The following TIAM1 variants were observed in gnomAD, a reference collection of about 807,000 sequenced individuals.
TIAM1 encodes rho guanine nucleotide exchange factor TIAM1.
TIAM1 carries 65 observed loss-of-function variants against 163.5 expected under a neutral mutation model. The ratio of observed to expected loss-of-function variants is 0.40; its 90% CI spans 0.33 to 0.49. The LOEUF (loss-of-function observed/expected upper bound fraction) is 0.49, where lower values mean the gene tolerates loss of function less well. TIAM1 is among the 20% of genes least tolerant of loss of function. TIAM1 has a pLI of 0.77. For missense variants in TIAM1, 1,789 were observed against 2,044.7 expected, an observed-to-expected ratio of 0.87 and a Z score of 2.41; for synonymous variants, 833 against 810.1, an observed-to-expected ratio of 1.03 and a Z score of -0.48.
chr21:31,540,603 G>C (rs1231142374), intron 1 of TIAM1, among the ~76,000 whole-genome samples: 9 of 152,144 alleles, frequency 5.9e-5, no homozygotes. Context: ...TGTCCAGCCT[G>C]CTCACTTCTT....
Position 31,276,888 on chromosome 21 carries a change from CTG to C in TIAM1, c.-170_-169del, listed in dbSNP as rs894977119. ...GTGGCCATCACAGTTTCATCTAAGT[CTG>C]TGAGAATGCGCCAAAAACCTGGAGA... On this transcript the variant is annotated 5_prime_UTR_variant, in exon 3 of 28. The change creates a premature stop within an existing upstream ORF in the 5' untranslated region. Coordinates refer to ENST00000541036, the MANE Select transcript of TIAM1 (RefSeq NM_001353694.2). 2.6e-5 allele frequency: 4 copies of C among 152,146 alleles called. No individual in the cohort carries two copies. Among genetic ancestry groups the C allele is most frequent in the African/African-American group, 9.7e-5 (4 of 41,430 alleles). 9.4% of individuals were successfully genotyped at this position (152,146 alleles called of 1,614,324 possible).
chr21:31,548,794 G>T (rs1213506267), intron 1 of TIAM1, among the ~76,000 whole-genome samples: 1 of 152,006 alleles, frequency 6.6e-6, no homozygotes, highest in Non-Finnish European at 1.5e-5. Flanking sequence ...AGGCCAAGCT[G>T]AACATTATTG....
At chr21:31,241,776 ATGGGAAGAC>A in intron 6 of TIAM1, among the ~76,000 whole-genome samples, 1 of 152,340 alleles carries the variant, frequency 6.6e-6, no homozygotes, top group East Asian at 1.9e-4. Context: ...GGAGACCAAA[ATGGGAAGAC>A]TGCTTGAAGC....
At chr21:31,390,120 ATACT>A (rs1243458283) in intron 2 of TIAM1, among the ~76,000 whole-genome samples, 6 of 152,222 alleles carry the variant, frequency 3.9e-5, no homozygotes, top group African/African-American at 9.6e-5. Flanking sequence ...TGGAGAATTT[ATACT>A]TACTCATTCC....
At chr21:31,485,095 A>G (rs1378142478) in intron 1 of TIAM1, among the ~76,000 whole-genome samples, 1 of 91,372 alleles carries the variant, frequency 1.1e-5, no homozygotes, top group Non-Finnish European at 2.2e-5. Flanking sequence ...TAAATTACCC[A>G]ATCTCTGAAT....
At chr21:31,299,928 A>G (rs1393111654) in intron 2 of TIAM1, among the ~76,000 whole-genome samples, 1 of 152,228 alleles carries the variant, frequency 6.6e-6, no homozygotes, top group Non-Finnish European at 1.5e-5. Flanking sequence ...ATCTTTCCTT[A>G]CGTCTGCATG....
chr21:31,556,402 A>G (rs2048881116), intron 1 of TIAM1, among the ~76,000 whole-genome samples: 1 of 151,908 alleles, frequency 6.6e-6, no homozygotes. Context: ...ACCACTGGAC[A>G]GCCTACAAGT....
intron 2 of TIAM1, among the ~76,000 whole-genome samples, chr21:31,389,038 C>T (rs2076926221): frequency 6.6e-6 from 1 of 152,194 alleles, no homozygotes. Context: ...ACGCACTCAA[C>T]TCCACCACTG....
chr21:31,511,812 T>C (rs2047218753), intron 1 of TIAM1, among the ~76,000 whole-genome samples: 1 of 152,150 alleles, frequency 6.6e-6, no homozygotes, highest in African/African-American at 2.4e-5. Context: ...GATTAAAATG[T>C]CCCAAACTTA....
intron 12 of TIAM1, 131 bp downstream of exon 12, chr21:31,202,777 T>C: frequency 1.2e-6 from 1 of 835,904 alleles, no homozygotes; most frequent in African/African-American, 1.7e-5. Flanking sequence ...CTCCACCAAC[T>C]TAAGGGCTAT....
rs979527244 is a variant in TIAM1 at position 31,139,562 on chromosome 21, T to C, written c.3774+1556A>G. 2.0e-4 allele frequency among the ~76,000 whole-genome samples: 30 copies of C among 152,328 alleles called. No individual in the cohort carries two copies. The East Asian group carries it at 5.4e-3, about 27-fold the overall frequency. On this transcript the variant is annotated intron_variant, in intron 22 of 27. Coordinates refer to ENST00000541036, the MANE Select transcript of TIAM1 (RefSeq NM_001353694.2). ...TGGTAAGTTCTATGTCTTGAAACCATAGTTTTCTTCTTGCCTTTTTCTGTA... is the reference window on the plus strand; with the variant it reads ...TGGTAAGTTCTATGTCTTGAAACCACAGTTTTCTTCTTGCCTTTTTCTGTA...
At chr21:31,130,336 G>A (rs905673548) in intron 24 of TIAM1, 21 bp from the exon 25 acceptor site, 2 of 1,589,602 alleles carry the variant, frequency 1.3e-6, no homozygotes, top group Non-Finnish European at 1.7e-6. Context: ...GAAGGAACCA[G>A]CTGCATAAGA....
chr21:31,214,692 G>C (rs1258996661), intron 9 of TIAM1, among the ~76,000 whole-genome samples: 1 of 152,174 alleles, frequency 6.6e-6, no homozygotes, highest in Non-Finnish European at 1.5e-5. Flanking sequence ...GAGGAATTTT[G>C]TGATTATCCC....
At chr21:31,281,656 A>G (rs1239215378) in intron 2 of TIAM1, among the ~76,000 whole-genome samples, 1 of 152,334 alleles carries the variant, frequency 6.6e-6, no homozygotes, top group South Asian at 2.1e-4. Flanking sequence ...TGGATGGTAG[A>G]TGGGTAGATG....
At chr21:31,419,657 A>G (rs753403890) in intron 2 of TIAM1, among the ~76,000 whole-genome samples, 4 of 152,248 alleles carry the variant, frequency 2.6e-5, no homozygotes, top group Non-Finnish European at 4.4e-5. Context: ...GGAATAAAAG[A>G]TACAAAGATT....
chr21:31,428,994 C>CTTTGTTTG (rs376708387), intron 2 of TIAM1, among the ~76,000 whole-genome samples: 39 of 151,840 alleles, frequency 2.6e-4, no homozygotes, highest in African/African-American at 9.0e-4. Flanking sequence ...TACAACCTAA[C>CTTTGTTTG]TTTGTTTGTT....
chr21:31,479,884 G>A (rs1488909617), intron 1 of TIAM1, among the ~76,000 whole-genome samples: 4 of 151,758 alleles, frequency 2.6e-5, no homozygotes, highest in African/African-American at 4.9e-5. Context: ...AGCCATTCCC[G>A]GCGTCTGCCC....
At chr21:31,373,701 G>C (rs1279694314) in intron 2 of TIAM1, among the ~76,000 whole-genome samples, 1 of 152,092 alleles carries the variant, frequency 6.6e-6, no homozygotes, top group Non-Finnish European at 1.5e-5. Flanking sequence ...CTAGAGATGA[G>C]AGAAGAGTAA....
intron 1 of TIAM1, among the ~76,000 whole-genome samples, chr21:31,500,936 T>C (rs1462689461): frequency 6.6e-6 from 1 of 152,224 alleles, no homozygotes; most frequent in Non-Finnish European, 1.5e-5. Flanking sequence ...TCCTCCCCTC[T>C]ACAAAAACCA....
Sources: gnomAD v4.1 joint callset for allele counts (sites outside exome capture counted in the v4.1 genomes callset) on GRCh38, gnomAD v4.1.1 for gene constraint, MANE v1.5 for transcripts, NCBI Gene and HGNC (gene_info 2026-07-23, HGNC 2026-07-21) for gene names.